AGBL1: variants seen among roughly 807,000 people sequenced by gnomAD.
The protein encoded by AGBL1 is cytosolic carboxypeptidase 4.
AGBL1 carries 130 observed loss-of-function variants against 118.9 expected under a neutral mutation model. That is an observed-to-expected ratio of 1.09 (90% CI 0.95 to 1.26). The LOEUF (loss-of-function observed/expected upper bound fraction) is 1.26, where lower values mean the gene tolerates loss of function less well. Ranked by LOEUF, AGBL1 falls within the 50% of genes most tolerant of loss-of-function variation. The pLI is 0.00. For missense variants in AGBL1, 1,584 were observed against 1,298.1 expected, an observed-to-expected ratio of 1.22 and a Z score of -3.38; for synonymous variants, 555 against 478.9, an observed-to-expected ratio of 1.16 and a Z score of -2.08.
At chr15:86,394,244 T>C (rs556980734) in intron 17 of AGBL1, among the ~76,000 whole-genome samples, 8 of 152,240 alleles carry the variant, frequency 5.3e-5, no homozygotes, top group African/African-American at 1.2e-4. Flanking sequence ...CTGTCCCTGA[T>C]TGGGTAAACA....
intron 17 of AGBL1, among the ~76,000 whole-genome samples, chr15:86,373,965 G>C (rs894007501): frequency 7.9e-5 from 12 of 151,792 alleles, no homozygotes; most frequent in Non-Finnish European, 1.5e-4. Context: ...ACTACCCCCT[G>C]CCCTAGACAA....
intron 21 of AGBL1, among the ~76,000 whole-genome samples, chr15:86,660,250 T>A (rs1187320149): frequency 1.3e-5 from 2 of 152,030 alleles, no homozygotes; most frequent in Non-Finnish European, 2.9e-5. Flanking sequence ...CGGGGCTTCA[T>A]GCCTGACACT....
chr15:86,868,723 G>A (rs991812344), intron 22 of AGBL1, among the ~76,000 whole-genome samples: 1 of 152,170 alleles, frequency 6.6e-6, no homozygotes, highest in Non-Finnish European at 1.5e-5. Context: ...CGCACTGTCT[G>A]GTTTATATCT....
intron 23 of AGBL1, among the ~76,000 whole-genome samples, chr15:86,961,898 T>C (rs1299652664): frequency 1.1e-4 from 16 of 152,002 alleles, no homozygotes; most frequent in Admixed American, 1.1e-3. Context: ...AAGAGGGCAG[T>C]GAAGGCAGTA....
intron 24 of AGBL1, among the ~76,000 whole-genome samples, chr15:87,017,477 A>T (rs1003967475): frequency 6.6e-6 from 1 of 152,142 alleles, no homozygotes; most frequent in Non-Finnish European, 1.5e-5. Flanking sequence ...GATTGATAAT[A>T]CTTCAAGGTA....
intron 22 of AGBL1, among the ~76,000 whole-genome samples, chr15:86,772,796 G>GC (rs2078200290): frequency 6.6e-6 from 1 of 152,072 alleles, no homozygotes; most frequent in Non-Finnish European, 1.5e-5. Flanking sequence ...CGTACAATAA[G>GC]CTGAGAACAG....
At chr15:86,766,376 G>C (rs1447516436) in intron 22 of AGBL1, among the ~76,000 whole-genome samples, 1 of 151,850 alleles carries the variant, frequency 6.6e-6, no homozygotes, top group Non-Finnish European at 1.5e-5. Context: ...CCAGACACTG[G>C]TCCCTTTATA....
intron 18 of AGBL1, among the ~76,000 whole-genome samples, chr15:86,410,415 T>A (rs2081591455): frequency 6.6e-6 from 1 of 152,082 alleles, no homozygotes; most frequent in African/African-American, 2.4e-5. Flanking sequence ...AACAAGACAG[T>A]CAGAAGAAGA....
chr15:86,425,097 T>C (rs1371596742), intron 18 of AGBL1, among the ~76,000 whole-genome samples: 3 of 152,172 alleles, frequency 2.0e-5, no homozygotes, highest in Admixed American at 6.5e-5. Context: ...ACACATATGT[T>C]TACTGCAGCA....
At chr15:86,085,033 C>A (rs968282663) in intron 1 of AGBL1, among the ~76,000 whole-genome samples, 1 of 152,124 alleles carries the variant, frequency 6.6e-6, no homozygotes, top group African/African-American at 2.4e-5. Flanking sequence ...TAAGTAGGAG[C>A]ACTTATTGTA....
intron 22 of AGBL1, among the ~76,000 whole-genome samples, chr15:86,762,909 A>G (rs1176177496): frequency 6.6e-6 from 1 of 152,020 alleles, no homozygotes; most frequent in Non-Finnish European, 1.5e-5. Flanking sequence ...AGAAGAGAAA[A>G]TATTGCTTTG....
At chr15:86,430,281 G>A (rs2081919271) in intron 18 of AGBL1, among the ~76,000 whole-genome samples, 1 of 152,028 alleles carries the variant, frequency 6.6e-6, no homozygotes, top group Admixed American at 6.6e-5. Context: ...TGGATCACGA[G>A]GTCAGGAGAT....
chr15:86,247,437 T>C (rs973087891), intron 6 of AGBL1, among the ~76,000 whole-genome samples: 1 of 152,212 alleles, frequency 6.6e-6, no homozygotes, highest in African/African-American at 2.4e-5. Flanking sequence ...ACTATAGAAG[T>C]GATGCCGATC....
At chr15:86,898,971 A>C (rs1019686428) in intron 22 of AGBL1, among the ~76,000 whole-genome samples, 4 of 152,138 alleles carry the variant, frequency 2.6e-5, no homozygotes, top group African/African-American at 9.7e-5. Context: ...ATTGAGGAAA[A>C]TACAGTGGTG....
chr15:86,694,888 T>C (rs577317880), intron 22 of AGBL1, among the ~76,000 whole-genome samples: 1 of 152,210 alleles, frequency 6.6e-6, no homozygotes, highest in South Asian at 2.1e-4. Flanking sequence ...TTATATGGTG[T>C]ATCACATTTA....
chr15:86,681,518 C>G (rs927419001), intron 22 of AGBL1, among the ~76,000 whole-genome samples: 1 of 152,188 alleles, frequency 6.6e-6, no homozygotes, highest in African/African-American at 2.4e-5. Flanking sequence ...AAGGCATTGG[C>G]CTCCTTGTAC....
At chr15:86,813,062 C>G (rs1596505957) in intron 22 of AGBL1, among the ~76,000 whole-genome samples, 1 of 151,798 alleles carries the variant, frequency 6.6e-6, no homozygotes, top group East Asian at 1.9e-4. Flanking sequence ...AAATGGAGAG[C>G]AGGTAGCTGT....
At chr15:86,895,549 G>A (rs1332183455) in intron 22 of AGBL1, among the ~76,000 whole-genome samples, 1 of 152,008 alleles carries the variant, frequency 6.6e-6, no homozygotes, top group Admixed American at 6.5e-5. Flanking sequence ...GGGATTTTTT[G>A]AGTATAGAAT....
chr15:86,426,107 G>C (rs2081863676), intron 18 of AGBL1, among the ~76,000 whole-genome samples: 1 of 152,114 alleles, frequency 6.6e-6, no homozygotes, highest in Non-Finnish European at 1.5e-5. Flanking sequence ...AACACATGTA[G>C]TAGAAAACAG....
Sources: gnomAD v4.1 joint callset for allele counts (sites outside exome capture counted in the v4.1 genomes callset) on GRCh38, gnomAD v4.1.1 for gene constraint, MANE v1.5 for transcripts, NCBI Gene and HGNC (gene_info 2026-07-23, HGNC 2026-07-21) for gene names.